The following PCDHA3 variants were observed in gnomAD, a reference collection of about 807,000 sequenced individuals.
The protein encoded by PCDHA3 is protocadherin alpha 3, also known as protocadherin alpha-3.
PCDHA3 carries 41 observed loss-of-function variants against 62.2 expected under a neutral mutation model. That is an observed-to-expected ratio of 0.66 (90% CI 0.51 to 0.86). The LOEUF (loss-of-function observed/expected upper bound fraction) is 0.86. PCDHA3 is among the 40% of genes least tolerant of loss of function. PCDHA3 has a pLI of 0.00. For missense variants in PCDHA3, 1,304 were observed against 1,241.2 expected (o/e 1.05, Z -0.76); for synonymous variants, 640 against 555.4 (o/e 1.15, Z -2.14).
chr5:140,877,006 G>T, intron 1 of PCDHA3: 2 of 1,612,484 alleles, frequency 1.2e-6, no homozygotes, highest in Non-Finnish European at 1.7e-6. Context: ...GTCGGTGCAC[G>T]CGGAGAGCGG....
intron 1 of PCDHA3, among the ~76,000 whole-genome samples, chr5:140,839,582 G>A (rs965029185): frequency 6.6e-6 from 1 of 151,908 alleles, no homozygotes; most frequent in African/African-American, 2.4e-5. Flanking sequence ...TAGAGATGGG[G>A]TCTTACCATG....
At chr5:140,863,216 C>A (rs781920741) in intron 1 of PCDHA3, 5 of 1,084,226 alleles carry the variant, frequency 4.6e-6, no homozygotes, top group African/African-American at 1.6e-5. Context: ...AGCAGCCAAG[C>A]GAGGAAGGTC....
intron 1 of PCDHA3, chr5:140,836,813 T>A (rs984631065): frequency 8.2e-7 from 1 of 1,217,894 alleles, no homozygotes; most frequent in African/African-American, 1.5e-5. Flanking sequence ...TTTTCTTTCA[T>A]AATTTCTTTT....
intron 3 of PCDHA3, among the ~76,000 whole-genome samples, chr5:140,991,620 T>C (rs2097462467): frequency 6.6e-6 from 1 of 152,212 alleles, no homozygotes; most frequent in Non-Finnish European, 1.5e-5. Flanking sequence ...TTTAATGCCA[T>C]ATTTGTAATA....
chr5:140,869,879 C>A (rs781975601), intron 1 of PCDHA3: 2 of 1,610,194 alleles, frequency 1.2e-6, no homozygotes, highest in Non-Finnish European at 1.7e-6. Flanking sequence ...GCTAAAGAAA[C>A]TCTTGTGCTC....
At chr5:140,883,390 G>T (rs373348994) in intron 1 of PCDHA3, 4 of 1,614,050 alleles carry the variant, frequency 2.5e-6, no homozygotes, top group East Asian at 4.5e-5. Context: ...TAATCAGTGT[G>T]TCCGATCGTG....
chr5:140,829,348 G>T, intron 1 of PCDHA3: 4 of 1,614,236 alleles, frequency 2.5e-6, no homozygotes, highest in Non-Finnish European at 2.5e-6. Context: ...AGAGCGTGTC[G>T]GCCTATGAGT....
chr5:140,853,402 A>C, intron 1 of PCDHA3: 1 of 986,360 alleles, frequency 1.0e-6, no homozygotes, highest in Non-Finnish European at 1.2e-6. Context: ...CAAGTTCAAA[A>C]CAGAGAGGTG....
At chr5:140,843,439 G>A (rs2150360020) in intron 1 of PCDHA3, 5 of 1,596,092 alleles carry the variant, frequency 3.1e-6, no homozygotes, top group South Asian at 1.1e-5. Context: ...CCATCTGCGC[G>A]GTATCCAGCC....
At chr5:140,909,560 C>A (rs2074577216) in intron 1 of PCDHA3, among the ~76,000 whole-genome samples, 1 of 152,284 alleles carries the variant, frequency 6.6e-6, no homozygotes, top group Middle Eastern at 3.4e-3. Flanking sequence ...ATCTCTGCAA[C>A]CCATCCAGAG....
At chr5:140,876,635 C>T (rs1554168754) in intron 1 of PCDHA3, 1 of 1,614,208 alleles carries the variant, frequency 6.2e-7, no homozygotes, top group East Asian at 2.2e-5. Flanking sequence ...GTCATCTGCT[C>T]ACTGACACCT....
intron 1 of PCDHA3, chr5:140,823,200 G>A (rs782300016): frequency 5.0e-6 from 8 of 1,613,750 alleles, no homozygotes; most frequent in Non-Finnish European, 6.8e-6. Context: ...ACATCTTCAC[G>A]GTGTCTGCAC....
chr5:140,998,495 C>T (rs782386986), intron 3 of PCDHA3, among the ~76,000 whole-genome samples: 17 of 152,170 alleles, frequency 1.1e-4, no homozygotes, highest in Non-Finnish European at 1.9e-4. Context: ...TCTTTGAGAA[C>T]AGGGTACTTG....
At chr5:140,856,818 A>G in intron 1 of PCDHA3, 1 of 1,593,074 alleles carries the variant, frequency 6.3e-7, no homozygotes, top group Non-Finnish European at 8.6e-7. Flanking sequence ...CAAGTGAACC[A>G]AACATTAGTA....
At chr5:140,884,141 G>C in intron 1 of PCDHA3, 1 of 1,613,422 alleles carries the variant, frequency 6.2e-7, no homozygotes, top group South Asian at 1.1e-5. Flanking sequence ...GTTCCGCGTG[G>C]GGCTGTACAC....
At chr5:140,955,771 A>G (rs527455823) in intron 1 of PCDHA3, among the ~76,000 whole-genome samples, 1 of 152,168 alleles carries the variant, frequency 6.6e-6, no homozygotes, top group Admixed American at 6.5e-5. Context: ...GATTCTGTCT[A>G]TCCATGAGCA....
intron 1 of PCDHA3, chr5:140,858,272 G>A: frequency 6.3e-7 from 1 of 1,597,346 alleles, no homozygotes; most frequent in Non-Finnish European, 8.6e-7. Flanking sequence ...GTGCTCTAGC[G>A]CGGTGGGGAG....
chr5:140,802,527 G>A lies in PCDHA3; in HGVS notation c.1330G>A (p.Glu444Lys). 6.2e-7 allele frequency: 1 copy of A among 1,614,216 alleles called. No individual in the cohort carries two copies. The highest frequency in any genetic ancestry group is 8.5e-7 in the Non-Finnish European group (1 of 1,180,050). Residue 444 changes from glutamate to lysine, a missense_variant, in exon 1 of 4, where the codon GAG becomes AAG. Glu to Lys is a moderately conservative substitution (Grantham distance 56, BLOSUM62 1). Transcript: ENST00000522353. ...GTGGGCCACGGCCAGCGTGTCCGTGGAGGTGGCCGACGTGAACGACAATGC... is the reference window on the plus strand; with the variant it reads ...GTGGGCCACGGCCAGCGTGTCCGTGAAGGTGGCCGACGTGAACGACAATGC... ...SLWATASVSV[E>K]VADVNDNAPA...
intron 1 of PCDHA3, chr5:140,877,364 T>A: frequency 6.2e-7 from 1 of 1,613,948 alleles, no homozygotes; most frequent in Non-Finnish European, 8.5e-7. Context: ...ACTGGCGAGA[T>A]CAGCACGACA....
Sources: allele counts gnomAD v4.1 joint callset (sites outside exome capture counted in the v4.1 genomes callset), GRCh38; gene constraint gnomAD v4.1.1; transcripts MANE v1.5; gene names NCBI Gene and HGNC (gene_info 2026-07-23, HGNC 2026-07-21).